Variants in DSG3 observed in about 807,000 individuals in gnomAD.
The protein encoded by DSG3 is desmoglein-3.
DSG3 carries 63 observed loss-of-function variants against 85.9 expected under a neutral mutation model. The observed-to-expected ratio is 0.73, with a 90% CI of 0.60 to 0.90. The LOEUF (loss-of-function observed/expected upper bound fraction) is 0.90, where lower values mean the gene tolerates loss of function less well. DSG3 is among the 40% of genes least tolerant of loss of function. The probability of loss-of-function intolerance (pLI) is 0.00; values close to 1 mark genes in which losing one functional copy is unlikely to be tolerated. For synonymous variants in DSG3, 447 were observed against 441.9 expected (o/e 1.01, Z -0.14); for missense variants, 1,220 against 1,219.9 (o/e 1.00, Z 0.00).
chr18:31,475,497 G>A (rs1261739966), intron 15 of DSG3, 149 bp from the exon 16 acceptor site: 7 of 1,000,186 alleles, frequency 7.0e-6, no homozygotes, highest in Non-Finnish European at 2.9e-6. Context: ...ATAATGTTTT[G>A]AACAAGATTG....
At chr18:31,464,497 A>C in intron 9 of DSG3, 115 bp downstream of exon 9, 4 of 1,162,608 alleles carry the variant, frequency 3.4e-6, no homozygotes, top group Non-Finnish European at 3.5e-6. Flanking sequence ...ATTGATTAAA[A>C]ACAAGAAACT....
Position 31,447,751 on chromosome 18 carries a change from A to G in DSG3, c.-127A>G. The stretch of plus-strand genomic sequence containing the variant: ...GTGGGGAGGGACCGCATAACAGACC[A>G]TCTGTAGACTCCTTCGGAAAGCAGC... On this transcript the variant is annotated 5_prime_UTR_variant, in exon 1 of 16. Coordinates refer to ENST00000257189, the MANE Select transcript of DSG3 (RefSeq NM_001944.3). 1.5e-6 allele frequency: 1 copy of G among 651,616 alleles called. No individual in the cohort carries two copies. Among genetic ancestry groups the G allele is most frequent in the Non-Finnish European group, 2.5e-6 (1 of 403,940 alleles). 40.4% of individuals were successfully genotyped at this position (651,616 alleles called of 1,614,324 possible). A position where few individuals can be genotyped will look rare whatever the true frequency, so the allele number is the denominator to read the frequency against.
chr18:31,453,035 A>G (rs548792389), intron 1 of DSG3, among the ~76,000 whole-genome samples: 1 of 152,306 alleles, frequency 6.6e-6, no homozygotes, highest in African/African-American at 2.4e-5. Flanking sequence ...ACTTTGTTCA[A>G]TTAAGGAATT....
At chr18:31,470,019 T>C (rs1411768292) in intron 12 of DSG3, among the ~76,000 whole-genome samples, 1 of 152,118 alleles carries the variant, frequency 6.6e-6, no homozygotes, top group Non-Finnish European at 1.5e-5. Flanking sequence ...TTTAGAAAAC[T>C]ATGCGTAAGT....
chr18:31,475,929 T>A lies in DSG3; in HGVS notation c.2669T>A (p.Val890Asp), dbSNP rs865930364. 9.3e-6 allele frequency: 15 copies of A among 1,614,194 alleles called. No individual in the cohort carries two copies. In the Middle Eastern group the frequency reaches 1.6e-3, roughly 178 times the overall value. The change falls in exon 16 of 16, where the codon GTC becomes GAC. Residue 890 changes from valine (V) to aspartate (D), a missense_variant. By Grantham distance (152) the Val-to-Asp change is radical (BLOSUM62 -3). Transcript: ENST00000257189. ...GIESCGHPIE[V>D]QQTGFVKCQT... ...GAATCCTGTGGCCATCCCATAGAAG[T>A]CCAGCAGACAGGATTTGTTAAGTGC... is the stretch of plus-strand genomic sequence containing the variant.
intron 2 of DSG3, 32 bp downstream of exon 2, chr18:31,456,507 A>G (rs2144265268): frequency 8.1e-7 from 1 of 1,235,378 alleles, no homozygotes; most frequent in East Asian, 2.8e-5. Context: ...TGTACTTAAA[A>G]TAATAGTTTA....
intron 4 of DSG3, 60 bp from the exon 5 acceptor site, chr18:31,458,973 G>T (rs2072766434): frequency 6.3e-7 from 1 of 1,576,682 alleles, no homozygotes; most frequent in African/African-American, 1.4e-5. Context: ...ATTTATACAA[G>T]TTTTAATAGT....
chr18:31,462,010 T>A (rs529839615), intron 8 of DSG3, among the ~76,000 whole-genome samples: 1 of 152,178 alleles, frequency 6.6e-6, no homozygotes, highest in South Asian at 2.1e-4. Context: ...GCACTTTGGT[T>A]TTTCGTTTGG....
In DSG3 at chr18:31,459,964, A is replaced by G. The variant is rs201738168; in HGVS notation, c.637A>G (p.Arg213Gly). Reference sequence around the variant, plus strand: ...AGGCACACCCATGTTCCTCCTAAGCAGAAACACTGGGGAAGTCCGTACTTT... The same window carrying G: ...AGGCACACCCATGTTCCTCCTAAGCGGAAACACTGGGGAAGTCCGTACTTT... The part of the protein sequence containing the change: ...PAGTPMFLLS[R>G]NTGEVRTLTN... Residue 213 changes from arginine to glycine, a missense_variant, in exon 6 of 16, where the codon AGA (arginine) becomes GGA (glycine). Transcript: ENST00000257189. 6.2e-7 allele frequency: 1 copy of G among 1,614,076 alleles called. No individual in the cohort carries two copies. Among genetic ancestry groups the G allele is most frequent in the East Asian group, 2.2e-5 (1 of 44,880 alleles).
At chr18:31,463,025 G>A (rs1254473667) in intron 8 of DSG3, among the ~76,000 whole-genome samples, 1 of 152,140 alleles carries the variant, frequency 6.6e-6, no homozygotes, top group African/African-American at 2.4e-5. Context: ...AGACTCCTCA[G>A]GTGACTCTAC....
chr18:31,470,621 T>C (rs973882210), intron 12 of DSG3, among the ~76,000 whole-genome samples: 1 of 152,168 alleles, frequency 6.6e-6, no homozygotes, highest in Non-Finnish European at 1.5e-5. Flanking sequence ...TTGGTTTTCA[T>C]GCATGTCTAA....
chr18:31,458,386 T>G, intron 3 of DSG3, 59 bp from the exon 4 acceptor site: 1 of 1,535,358 alleles, frequency 6.5e-7, no homozygotes, highest in Non-Finnish European at 8.9e-7. Context: ...GAAGTGGGGG[T>G]GGAGAGGGAA....
At chr18:31,472,672 G>T in intron 13 of DSG3, 53 bp from the exon 14 acceptor site, 1 of 1,577,456 alleles carries the variant, frequency 6.3e-7, no homozygotes, top group African/African-American at 1.3e-5. Flanking sequence ...TCACTATATT[G>T]CTCTGAAATC....
At chr18:31,471,935 C>T (rs889828918) in intron 12 of DSG3, among the ~76,000 whole-genome samples, 4 of 152,106 alleles carry the variant, frequency 2.6e-5, no homozygotes, top group African/African-American at 7.2e-5. Context: ...TACATAGCCC[C>T]AACATGTGCA....
chr18:31,456,299 G>A, intron 1 of DSG3, 141 bp from the exon 2 acceptor site: 1 of 520,962 alleles, frequency 1.9e-6, no homozygotes, highest in Non-Finnish European at 3.1e-6. Flanking sequence ...CTTTGATTAT[G>A]GCTTCTTGAA....
intron 8 of DSG3, among the ~76,000 whole-genome samples, chr18:31,462,132 A>C (rs1218202052): frequency 6.6e-6 from 1 of 151,840 alleles, no homozygotes; most frequent in Non-Finnish European, 1.5e-5. Flanking sequence ...GAGTGCAGTG[A>C]TGTGATTTTG....
chr18:31,457,233 G>A, intron 3 of DSG3, 109 bp downstream of exon 3: 1 of 991,128 alleles, frequency 1.0e-6, no homozygotes, highest in Non-Finnish European at 1.4e-6. Context: ...GGAGTCCACA[G>A]AACAAGTGAA....
intron 1 of DSG3, among the ~76,000 whole-genome samples, chr18:31,454,848 G>A (rs1598775236): frequency 6.6e-6 from 1 of 151,828 alleles, no homozygotes; most frequent in East Asian, 1.9e-4. Flanking sequence ...TACAAAATTA[G>A]CCGGGTGTGG....
chr18:31,476,451 C>T lies in DSG3; in HGVS notation c.*191C>T. 1.9e-6 allele frequency: 1 copy of T among 532,716 alleles called. No homozygotes were observed. The highest frequency in any genetic ancestry group is 3.1e-5 in the East Asian group (1 of 31,948). 33.0% of individuals were successfully genotyped at this position (532,716 alleles called of 1,614,324 possible). ...AAGCAATATGTTGTCACTCCTAATT[C>T]TCAAGTACTATTCAAATTGTAGTAA... is the stretch of plus-strand genomic sequence containing the variant. On this transcript the variant is annotated 3_prime_UTR_variant, in exon 16 of 16. Coordinates refer to ENST00000257189, the MANE Select transcript of DSG3 (RefSeq NM_001944.3).
Sources: gnomAD v4.1 joint callset for allele counts (sites outside exome capture counted in the v4.1 genomes callset) on GRCh38, gnomAD v4.1.1 for gene constraint, MANE v1.5 for transcripts, NCBI Gene and HGNC (gene_info 2026-07-23, HGNC 2026-07-21) for gene names.